MGMT: variants seen among roughly 807,000 people sequenced by gnomAD.
The protein encoded by MGMT is methylated-DNA--protein-cysteine methyltransferase.
Under a neutral mutation model 15.9 loss-of-function variants are expected in MGMT, and 14 were observed. That is an observed-to-expected ratio of 0.88 (90% confidence interval 0.58 to 1.37). The LOEUF is 1.37. MGMT is among the 40% of genes most tolerant of loss of function. The probability of loss-of-function intolerance (pLI) is 0.00; values close to 1 mark genes in which losing one functional copy is unlikely to be tolerated. For missense variants in MGMT, 282 were observed against 268.1 expected (o/e 1.05, Z -0.36); for synonymous variants, 130 against 118.2 (o/e 1.10, Z -0.65).
At chr10:129,717,692 A>G (rs1848315789) in intron 3 of MGMT, 1 of 152,118 alleles carries the variant, frequency 6.6e-6, no homozygotes, top group Non-Finnish European at 1.5e-5. Context: ...AGACCCACAC[A>G]TGGCTGGCCG....
intron 1 of MGMT, among the ~76,000 whole-genome samples, chr10:129,525,939 C>T (rs1845864712): frequency 6.6e-6 from 1 of 152,226 alleles, no homozygotes; most frequent in Non-Finnish European, 1.5e-5. Context: ...GTTTGGATCC[C>T]TTCTCAGTTT....
At chr10:129,737,714 A>G (rs898335133) in intron 3 of MGMT, among the ~76,000 whole-genome samples, 5 of 152,038 alleles carry the variant, frequency 3.3e-5, no homozygotes, top group African/African-American at 1.2e-4. Context: ...GATGATGGTG[A>G]TGTACAGATG....
chr10:129,764,205 C>T (rs1848906927), intron 4 of MGMT, among the ~76,000 whole-genome samples: 1 of 152,228 alleles, frequency 6.6e-6, no homozygotes, highest in Admixed American at 6.5e-5. Flanking sequence ...CTCCATTCGG[C>T]CGGAGGCTGA....
chr10:129,641,810 A>G (rs1355462131), intron 2 of MGMT, among the ~76,000 whole-genome samples: 2 of 152,224 alleles, frequency 1.3e-5, no homozygotes, highest in Non-Finnish European at 2.9e-5. Flanking sequence ...GCATATTGGA[A>G]CATTAGAATT....
chr10:129,608,357 C>T (rs1013182220), intron 2 of MGMT, among the ~76,000 whole-genome samples: 3 of 152,234 alleles, frequency 2.0e-5, no homozygotes, highest in Non-Finnish European at 4.4e-5. Context: ...GGGAGGAACT[C>T]CGGGTTTGCG....
chr10:129,677,030 G>T (rs1847793939), intron 2 of MGMT, among the ~76,000 whole-genome samples: 1 of 152,176 alleles, frequency 6.6e-6, no homozygotes, highest in South Asian at 2.1e-4. Context: ...CCATCAGCGT[G>T]CTAGTAGTAA....
At chr10:129,477,109 T>G (rs962323726) in intron 1 of MGMT, among the ~76,000 whole-genome samples, 6 of 152,134 alleles carry the variant, frequency 3.9e-5, no homozygotes, top group African/African-American at 1.4e-4. Context: ...CGTGTCCCTC[T>G]CTTCCCAGAG....
intron 2 of MGMT, among the ~76,000 whole-genome samples, chr10:129,538,842 G>A (rs1295327308): frequency 6.6e-6 from 1 of 152,160 alleles, no homozygotes; most frequent in African/African-American, 2.4e-5. Flanking sequence ...CACCATGTTG[G>A]TCAGGCTGGT....
intron 1 of MGMT, among the ~76,000 whole-genome samples, chr10:129,517,861 G>A (rs1589845742): frequency 1.3e-5 from 2 of 152,210 alleles, no homozygotes; most frequent in Non-Finnish European, 2.9e-5. Flanking sequence ...GAATGAATGA[G>A]TATTCTCCTT....
intron 1 of MGMT, among the ~76,000 whole-genome samples, chr10:129,513,332 T>C (rs531553544): frequency 1.2e-4 from 19 of 152,284 alleles, no homozygotes; most frequent in African/African-American, 4.6e-4. Context: ...CACAACTTTG[T>C]GAATGTATTT....
At chr10:129,722,932 G>C (rs1443211721) in intron 3 of MGMT, among the ~76,000 whole-genome samples, 1 of 146,438 alleles carries the variant, frequency 6.8e-6, no homozygotes, top group African/African-American at 2.5e-5. Context: ...CTTGAACCCA[G>C]GAGACAGAGG....
chr10:129,698,339 A>G (rs1231857132), intron 2 of MGMT, among the ~76,000 whole-genome samples: 1 of 150,738 alleles, frequency 6.6e-6, no homozygotes, highest in Non-Finnish European at 1.5e-5. Flanking sequence ...CTCTGTGTAT[A>G]GATCGACGTG....
intron 2 of MGMT, among the ~76,000 whole-genome samples, chr10:129,568,882 G>A (rs568547573): frequency 2.6e-4 from 40 of 152,202 alleles, no homozygotes; most frequent in Non-Finnish European, 5.4e-4. Flanking sequence ...TATTCTGTAG[G>A]TTGAAGTACA....
At chr10:129,759,422 C>A in intron 4 of MGMT, 81 bp downstream of exon 4, 1 of 1,593,938 alleles carries the variant, frequency 6.3e-7, no homozygotes. Flanking sequence ...CACGTGTTTC[C>A]TCGGAAGGCA....
At chr10:129,557,894 T>A (rs775939332) in intron 2 of MGMT, among the ~76,000 whole-genome samples, 4 of 152,238 alleles carry the variant, frequency 2.6e-5, no homozygotes, top group Non-Finnish European at 5.9e-5. Flanking sequence ...TCTACAAATG[T>A]AAGATTGCCT....
intron 1 of MGMT, among the ~76,000 whole-genome samples, chr10:129,520,723 T>C (rs994635330): frequency 6.7e-6 from 1 of 149,640 alleles, no homozygotes; most frequent in African/African-American, 2.5e-5. Context: ...GCAGACCCCC[T>C]ATGGTGCGGG....
intron 2 of MGMT, among the ~76,000 whole-genome samples, chr10:129,601,587 C>CA (rs1334528627): frequency 6.6e-6 from 1 of 152,180 alleles, no homozygotes; most frequent in East Asian, 1.9e-4. Flanking sequence ...CTCATCCTAG[C>CA]ACCACCTCGA....
chr10:129,634,781 C>T (rs56784500), intron 2 of MGMT, among the ~76,000 whole-genome samples: 7,621 of 152,096 alleles, frequency 0.05, 627 homozygotes, highest in African/African-American at 0.17. Flanking sequence ...CTAATCTTAA[C>T]ATCTGAGTTA....
chr10:129,532,730 G>C lies in MGMT; in HGVS notation c.-12-3511G>C, dbSNP rs1046025903. Among the ~76,000 whole-genome samples the C allele has an allele frequency of 6.6e-6, 1 of 152,162 alleles. No homozygotes were observed. The highest frequency in any genetic ancestry group is 1.5e-5 in the Non-Finnish European group (1 of 68,038). ...CCCTTCCAGCCCGTCACGGTGTGTA[G>C]TGCCCAAAGCCCTGGCCGTGGCCAT... On this transcript the variant is annotated intron_variant, in intron 1 of 4. Transcript: ENST00000651593. The surrounding 1 kb of genome is among the most constrained non-coding windows in gnomAD (Gnocchi z 5.3).
Sources: allele counts gnomAD v4.1 joint callset (sites outside exome capture counted in the v4.1 genomes callset), GRCh38; gene constraint gnomAD v4.1.1; non-coding constraint Gnocchi (gnomAD v3.1); transcripts MANE v1.5; gene names NCBI Gene and HGNC (gene_info 2026-07-23, HGNC 2026-07-21).